The following MAP7 variants were observed in gnomAD, a reference collection of about 807,000 sequenced individuals.
MAP7 encodes the protein microtubule associated protein 7.
MAP7 carries 52 observed loss-of-function variants against 94.8 expected under a neutral mutation model. That is an observed-to-expected ratio of 0.55 (90% CI 0.44 to 0.69). MAP7 has a LOEUF of 0.69. Ranked by LOEUF, MAP7 falls within the 30% of genes least tolerant of loss-of-function variation. MAP7 has a pLI of 0.00. For missense variants in MAP7, 940 were observed against 964.6 expected, an observed-to-expected ratio of 0.97 and a Z score of 0.34; for synonymous variants, 350 against 357.0, an observed-to-expected ratio of 0.98 and a Z score of 0.22.
intron 1 of MAP7, among the ~76,000 whole-genome samples, chr6:136,523,257 TC>T (rs1826912506): frequency 6.6e-6 from 1 of 152,126 alleles, no homozygotes. Context: ...ATAACCACAT[TC>T]ATTTCAGGAC....
intron 1 of MAP7, among the ~76,000 whole-genome samples, chr6:136,508,757 A>G (rs1414946851): frequency 6.6e-6 from 1 of 152,218 alleles, no homozygotes; most frequent in South Asian, 2.1e-4. Context: ...ATATCACAGT[A>G]AAGTTTGAAG....
At chr6:136,374,580 T>C (rs1487784224) in intron 7 of MAP7, among the ~76,000 whole-genome samples, 1 of 152,190 alleles carries the variant, frequency 6.6e-6, no homozygotes, top group Non-Finnish European at 1.5e-5. Flanking sequence ...GATTTTTCTC[T>C]CAAGTGGAAA....
chr6:136,401,763 A>G, intron 3 of MAP7, among the ~76,000 whole-genome samples: 1 of 151,962 alleles, frequency 6.6e-6, no homozygotes, highest in South Asian at 2.1e-4. Flanking sequence ...ACATGTACCC[A>G]AGAACTTAAA....
chr6:136,503,694 A>G (rs1562468781), intron 1 of MAP7, among the ~76,000 whole-genome samples: 1 of 152,230 alleles, frequency 6.6e-6, no homozygotes, highest in South Asian at 2.1e-4. Flanking sequence ...GCTAATTAAA[A>G]CTAAATACCA....
intron 3 of MAP7, among the ~76,000 whole-genome samples, chr6:136,406,635 A>G (rs570388471): frequency 2.0e-5 from 3 of 152,286 alleles, no homozygotes; most frequent in Admixed American, 2.0e-4. Context: ...AGCCTCACCA[A>G]CGTGGCAAAA....
intron 1 of MAP7, among the ~76,000 whole-genome samples, chr6:136,442,360 A>AC (rs1157873237): frequency 7.0e-6 from 1 of 142,676 alleles, no homozygotes; most frequent in Non-Finnish European, 1.5e-5. Flanking sequence ...AGCTGAGATC[A>AC]CACCACTGCA....
chr6:136,434,214 G>A (rs1278688092), intron 1 of MAP7, among the ~76,000 whole-genome samples: 2 of 151,666 alleles, frequency 1.3e-5, no homozygotes, highest in Middle Eastern at 3.2e-3. Context: ...GGCTGAGGCA[G>A]GAGAACCGCT....
intron 1 of MAP7, among the ~76,000 whole-genome samples, chr6:136,519,170 T>G (rs1231078166): frequency 6.6e-6 from 1 of 152,152 alleles, no homozygotes; most frequent in African/African-American, 2.4e-5. Flanking sequence ...CCTTGCTCCA[T>G]CCCCTATTAT....
chr6:136,489,366 T>C (rs1279352789), intron 1 of MAP7, among the ~76,000 whole-genome samples: 3 of 152,156 alleles, frequency 2.0e-5, no homozygotes, highest in African/African-American at 7.2e-5. Flanking sequence ...TTAATATCTG[T>C]CCTTTTATCC....
intron 15 of MAP7, among the ~76,000 whole-genome samples, chr6:136,357,504 C>CT (rs35584080): frequency 4.6e-5 from 7 of 151,874 alleles, no homozygotes; most frequent in South Asian, 2.1e-4. Flanking sequence ...TTGCCCCCTG[C>CT]TTTTTTTTGA....
chr6:136,507,017 A>T (rs1372730894), intron 1 of MAP7, among the ~76,000 whole-genome samples: 2 of 152,164 alleles, frequency 1.3e-5, no homozygotes, highest in Non-Finnish European at 2.9e-5. Context: ...TGTTCTGACC[A>T]CGAGGCACCC....
chr6:136,381,042 C>T (rs1230723322), intron 6 of MAP7, among the ~76,000 whole-genome samples: 1 of 152,198 alleles, frequency 6.6e-6, no homozygotes, highest in Non-Finnish European at 1.5e-5. Context: ...TATATACCTG[C>T]TTGACCCATT....
chr6:136,346,462 C>T (rs967868676), intron 16 of MAP7, among the ~76,000 whole-genome samples: 2 of 151,988 alleles, frequency 1.3e-5, no homozygotes, highest in Non-Finnish European at 2.9e-5. Flanking sequence ...CTCTGGCAGT[C>T]GAGGTGGGAG....
chr6:136,352,858 A>C (rs1002395574), intron 16 of MAP7, among the ~76,000 whole-genome samples: 1 of 152,206 alleles, frequency 6.6e-6, no homozygotes, highest in African/African-American at 2.4e-5. Context: ...AAGATAAATA[A>C]AAGTACTTCT....
At chr6:136,360,588 T>G in intron 13 of MAP7, 109 bp downstream of exon 13, 1 of 838,450 alleles carries the variant, frequency 1.2e-6, no homozygotes, top group Non-Finnish European at 2.0e-6. Flanking sequence ...AGGGGGCTAC[T>G]AGTTTATGTG....
chr6:136,433,722 T>A (rs1308882955), intron 1 of MAP7, among the ~76,000 whole-genome samples: 2 of 152,218 alleles, frequency 1.3e-5, no homozygotes, highest in African/African-American at 2.4e-5. Flanking sequence ...TTCTGCCAAC[T>A]CTGATGGGAA....
intron 1 of MAP7, among the ~76,000 whole-genome samples, chr6:136,543,325 T>C (rs188340202): frequency 1.3e-5 from 2 of 152,342 alleles, no homozygotes; most frequent in African/African-American, 4.8e-5. Flanking sequence ...AAAAACATGA[T>C]GCCAGGTGAA....
rs148437424 is a variant in MAP7 at position 136,518,286 on chromosome 6, C to T, written c.67+32056G>A. Among the ~76,000 whole-genome samples the T allele has an allele frequency of 5.3e-5, 8 of 152,254 alleles. No homozygotes were observed. The East Asian group carries it at 1.2e-3, about 22-fold the overall frequency. On this transcript the variant is annotated intron_variant, in intron 1 of 17. Coordinates refer to ENST00000354570, the MANE Select transcript of MAP7 (RefSeq NM_003980.6). ...GGTCTATACTCCTGAACTTCATTCC[C>T]ACTCCACACTGGACCTGGGATTGTA...
intron 1 of MAP7, among the ~76,000 whole-genome samples, chr6:136,430,685 G>C (rs28714294): frequency 0.054 from 8,160 of 152,170 alleles, 482 homozygotes; most frequent in African/African-American, 0.14. Context: ...TAACTTAAAG[G>C]TTGTCTAAAA....
Sources: allele counts gnomAD v4.1 joint callset (sites outside exome capture counted in the v4.1 genomes callset), GRCh38; gene constraint gnomAD v4.1.1; transcripts MANE v1.5; gene names NCBI Gene and HGNC (gene_info 2026-07-23, HGNC 2026-07-21).